Variants in GRIA2 observed in about 807,000 individuals in gnomAD.
GRIA2 encodes the protein glutamate ionotropic receptor AMPA type subunit 2.
A neutral mutation model predicts 97.3 loss-of-function variants in GRIA2; 14 were observed. The observed-to-expected ratio is 0.14, with a 90% CI of 0.10 to 0.23. The LOEUF (loss-of-function observed/expected upper bound fraction) is 0.23. Ranked by LOEUF, GRIA2 falls within the 10% of genes least tolerant of loss-of-function variation. The probability of loss-of-function intolerance (pLI) is 1.00; values close to 1 mark genes in which losing one functional copy is unlikely to be tolerated. For missense variants in GRIA2, 558 were observed against 1,069.8 expected (o/e 0.52, Z 6.67); for synonymous variants, 412 against 387.8 (o/e 1.06, Z -0.73).
intron 13 of GRIA2, 24 bp downstream of exon 13, chr4:157,360,167 T>G: frequency 6.2e-7 from 1 of 1,607,784 alleles, no homozygotes; most frequent in Non-Finnish European, 8.5e-7. Flanking sequence ...TATAACAATA[T>G]GCTAAATGTT....
rs912875467 is a variant in GRIA2, at chr4:157,364,402, C to T, written c.*971C>T. On this transcript the variant is annotated 3_prime_UTR_variant, in exon 16 of 16. Transcript: ENST00000264426. ...AGAAAATTTCTCCCTTTTAAAAAGG[C>T]CAGGTGATTTTTCAAATGTAATCTT... 1.3e-5 allele frequency: 2 copies of T among 151,914 alleles called. No homozygotes were observed. Among genetic ancestry groups the T allele is most frequent in the Non-Finnish European group, 2.9e-5 (2 of 67,868 alleles). 9.4% of individuals were successfully genotyped at this position (151,914 alleles called of 1,614,324 possible).
Position 157,361,179 on chromosome 4 carries a change from C to A in GRIA2, c.2406+55C>A. ...ACTCAATGCAAAACAAAGTAAGCAG[C>A]AGCTATGCACAGTGTGGGCACTCCG... On this transcript the variant is annotated intron_variant, in intron 14 of 15. Transcript: ENST00000264426. This position sits in a 1 kb window ranked among gnomAD's most constrained non-coding sequence, Gnocchi z 5.2. 1 of 1,333,608 alleles carries A rather than the reference C, an allele frequency of 7.5e-7. No homozygotes were observed. Among genetic ancestry groups the A allele is most frequent in the Non-Finnish European group, 1.1e-6 (1 of 928,812 alleles). The allele number at this position is 1,333,608 out of a possible 1,614,324, so 82.6% of individuals were successfully genotyped here.
intron 2 of GRIA2, among the ~76,000 whole-genome samples, chr4:157,286,634 A>T (rs746096181): frequency 1.4e-5 from 2 of 142,194 alleles, no homozygotes; most frequent in Admixed American, 1.4e-4. Context: ...GTAATTTTCT[A>T]TGTGTAATTT....
intron 12 of GRIA2, among the ~76,000 whole-genome samples, chr4:157,350,773 G>A (rs376429399): frequency 7.9e-5 from 12 of 152,050 alleles, no homozygotes; most frequent in African/African-American, 2.9e-4. Flanking sequence ...GTAACTGCAT[G>A]GAATTAATTG....
At chr4:157,357,007 C>T (rs547542498) in intron 12 of GRIA2, among the ~76,000 whole-genome samples, 2 of 152,118 alleles carry the variant, frequency 1.3e-5, no homozygotes, top group African/African-American at 4.8e-5. Context: ...CATGCATCTT[C>T]TTAGATGAGA....
At chr4:157,329,211 C>G (rs561036909) in intron 6 of GRIA2, among the ~76,000 whole-genome samples, 1 of 151,784 alleles carries the variant, frequency 6.6e-6, no homozygotes, top group South Asian at 2.1e-4. Flanking sequence ...TAAAATTTTT[C>G]TTATAGATTT....
At chr4:157,335,570 T>C (rs748581436) in intron 9 of GRIA2, 101 bp from the exon 10 acceptor site, 9 of 717,642 alleles carry the variant, frequency 1.3e-5, no homozygotes, top group Non-Finnish European at 2.2e-5. Flanking sequence ...CTTCATTCAC[T>C]CTGGCTAATG....
intron 12 of GRIA2, among the ~76,000 whole-genome samples, chr4:157,344,431 C>T (rs2126958249): frequency 6.6e-6 from 1 of 152,126 alleles, no homozygotes; most frequent in Non-Finnish European, 1.5e-5. Context: ...TTATGGTGCC[C>T]AGCCTGACCA....
chr4:157,280,215 A>C (rs560342228), intron 2 of GRIA2, among the ~76,000 whole-genome samples: 1 of 152,306 alleles, frequency 6.6e-6, no homozygotes, highest in African/African-American at 2.4e-5. Context: ...ACTTATAAGT[A>C]GCAAAATATT....
At chr4:157,260,574 T>C (rs1266313307) in intron 2 of GRIA2, among the ~76,000 whole-genome samples, 1 of 152,060 alleles carries the variant, frequency 6.6e-6, no homozygotes, top group Non-Finnish European at 1.5e-5. Context: ...TTTCCATATA[T>C]CACTTTCTCT....
At position 157,362,149 on chromosome 4, in the gene GRIA2, G is replaced by A. The variant is rs140773467; in HGVS notation, c.2407-650G>A. 1.6e-3 allele frequency among the ~76,000 whole-genome samples: 245 copies of A among 152,164 alleles called. 2 individuals carry two copies. The highest frequency in any genetic ancestry group is 5.4e-3 in the African/African-American group (224 of 41,544). ...TCTAGTGGATGAGAGTACACTGAGGGGATGAATTTTGGAGACCAAGAGATC... is the reference window on the plus strand; with the variant it reads ...TCTAGTGGATGAGAGTACACTGAGGAGATGAATTTTGGAGACCAAGAGATC... On this transcript the variant is annotated intron_variant, in intron 14 of 15. Coordinates refer to ENST00000264426, the MANE Select transcript of GRIA2 (RefSeq NM_001083619.3).
chr4:157,279,381 T>G (rs1732491982), intron 2 of GRIA2, among the ~76,000 whole-genome samples: 1 of 152,136 alleles, frequency 6.6e-6, no homozygotes, highest in Non-Finnish European at 1.5e-5. Flanking sequence ...TATGTGACAT[T>G]CTGGAAAAGG....
chr4:157,239,822 A>G (rs1368889119), intron 2 of GRIA2, among the ~76,000 whole-genome samples: 1 of 151,974 alleles, frequency 6.6e-6, no homozygotes, highest in African/African-American at 2.4e-5. Flanking sequence ...TAGATTTTCC[A>G]TTTTTATATA....
intron 2 of GRIA2, among the ~76,000 whole-genome samples, chr4:157,263,143 C>T (rs984402082): frequency 1.3e-5 from 2 of 151,932 alleles, no homozygotes; most frequent in African/African-American, 2.4e-5. Flanking sequence ...GTGGAGAAGC[C>T]GAAAATATAT....
At chr4:157,310,597 T>C (rs1378625987) in intron 3 of GRIA2, among the ~76,000 whole-genome samples, 3 of 151,998 alleles carry the variant, frequency 2.0e-5, no homozygotes, top group African/African-American at 4.8e-5. Flanking sequence ...AATATTTCAG[T>C]GTTTATTTGG....
intron 2 of GRIA2, among the ~76,000 whole-genome samples, chr4:157,290,817 A>G (rs1170557617): frequency 6.6e-6 from 1 of 151,782 alleles, no homozygotes; most frequent in Non-Finnish European, 1.5e-5. Flanking sequence ...GCAACTATCT[A>G]GTGGCTCTGA....
At chr4:157,225,886 A>G (rs1729722418) in intron 2 of GRIA2, among the ~76,000 whole-genome samples, 1 of 151,984 alleles carries the variant, frequency 6.6e-6, no homozygotes, top group Admixed American at 6.6e-5. Flanking sequence ...GAGAAAATCA[A>G]TAGCAAATTT....
At chr4:157,227,429 A>T (rs1463663566) in intron 2 of GRIA2, among the ~76,000 whole-genome samples, 1 of 152,218 alleles carries the variant, frequency 6.6e-6, no homozygotes, top group Non-Finnish European at 1.5e-5. Context: ...TTGCTATATA[A>T]TCAAGTTTTC....
chr4:157,240,270 C>T lies in GRIA2; in HGVS notation c.229+18463C>T, dbSNP rs551201847. 3.0e-4 allele frequency among the ~76,000 whole-genome samples: 45 copies of T among 152,138 alleles called. No individual in the cohort carries two copies. The South Asian group carries it at 4.4e-3, about 15-fold the overall frequency. ...AAAGGCATAAATGCCTTCATGATAT[C>T]CGTAATATTTTTCATCTTACTGAGT... On this transcript the variant is annotated intron_variant, in intron 2 of 15. Transcript: ENST00000264426.
Sources: allele counts gnomAD v4.1 joint callset (sites outside exome capture counted in the v4.1 genomes callset), GRCh38; gene constraint gnomAD v4.1.1; non-coding constraint Gnocchi (gnomAD v3.1); transcripts MANE v1.5; gene names NCBI Gene and HGNC (gene_info 2026-07-23, HGNC 2026-07-21).